UBE2L3: variants seen among roughly 807,000 people sequenced by gnomAD.
UBE2L3 encodes ubiquitin conjugating enzyme E2 L3, also known as ubiquitin-conjugating enzyme E2 L3.
Under a neutral mutation model 17.8 loss-of-function variants are expected in UBE2L3, and 1 was observed. That is an observed-to-expected ratio of 0.06 (90% confidence interval 0.02 to 0.27). The LOEUF is 0.27. Among genes scored for constraint, UBE2L3 ranks in the 10% least tolerant of loss-of-function variants. UBE2L3 has a pLI of 1.00. For missense variants in UBE2L3, 40 were observed against 192.6 expected, an observed-to-expected ratio of 0.21 and a Z score of 4.69; for synonymous variants, 44 against 68.5, an observed-to-expected ratio of 0.64 and a Z score of 1.76.
At chr22:21,610,727 G>T in intron 2 of UBE2L3, 130 bp from the exon 3 acceptor site, 1 of 1,029,782 alleles carries the variant, frequency 9.7e-7, no homozygotes, top group South Asian at 2.1e-5. Context: ...CCTGAAGGTG[G>T]CAGGGCTTCA....
At chr22:21,615,712 A>G (rs986111832) in intron 3 of UBE2L3, among the ~76,000 whole-genome samples, 6 of 152,238 alleles carry the variant, frequency 3.9e-5, no homozygotes, top group Non-Finnish European at 7.3e-5. Context: ...CCCAAAATCA[A>G]TACTCTCGGC....
At chr22:21,602,614 G>C (rs937870619) in intron 2 of UBE2L3, among the ~76,000 whole-genome samples, 1 of 152,236 alleles carries the variant, frequency 6.6e-6, no homozygotes, top group Non-Finnish European at 1.5e-5. Flanking sequence ...GGACAAGTGG[G>C]TGAAAGACCC....
At chr22:21,594,807 A>G (rs1928433911) in intron 2 of UBE2L3, among the ~76,000 whole-genome samples, 1 of 152,130 alleles carries the variant, frequency 6.6e-6, no homozygotes, top group Non-Finnish European at 1.5e-5. Flanking sequence ...GATGGCCGGG[A>G]CCATCTGACC....
intron 2 of UBE2L3, among the ~76,000 whole-genome samples, chr22:21,602,115 A>T (rs1463305850): frequency 3.3e-5 from 5 of 152,136 alleles, no homozygotes; most frequent in Admixed American, 3.3e-4. Flanking sequence ...GTGGCAGGGA[A>T]AGCTTCAGCT....
At chr22:21,559,574 G>A (rs1024531548) in intron 1 of UBE2L3, among the ~76,000 whole-genome samples, 14 of 151,802 alleles carry the variant, frequency 9.2e-5, no homozygotes, top group African/African-American at 3.2e-4. Context: ...TCCTGCATGA[G>A]GCAAGGAGGA....
chr22:21,562,528 C>T lies in UBE2L3; in HGVS notation c.201+12878C>T, dbSNP rs549567611. 5.3e-4 allele frequency among the ~76,000 whole-genome samples: 81 copies of T among 152,046 alleles called. 1 individual carries two copies. Among genetic ancestry groups the T allele is most frequent in the African/African-American group, 1.8e-3 (76 of 41,496 alleles). On this transcript the variant is annotated intron_variant, in intron 1 of 3. Transcript: ENST00000458578. ...CTGGGACCACAAGCACCCGCCACCA[C>T]GCCCAGATAATTTTTTGTGTTTTTA...
At chr22:21,602,161 G>C (rs1196932801) in intron 2 of UBE2L3, among the ~76,000 whole-genome samples, 2 of 152,128 alleles carry the variant, frequency 1.3e-5, no homozygotes, top group Non-Finnish European at 2.9e-5. Flanking sequence ...TTAGCCACAG[G>C]GAAAGGATGC....
At chr22:21,607,651 C>G (rs575436786) in intron 2 of UBE2L3, among the ~76,000 whole-genome samples, 27 of 152,198 alleles carry the variant, frequency 1.8e-4, no homozygotes, top group Non-Finnish European at 2.8e-4. Context: ...AGGGCTTCCC[C>G]AGCTCTGGAG....
rs144617737 is a variant in UBE2L3, at chr22:21,577,676, GAGA to G, written c.27+9912_27+9914del. Among the ~76,000 whole-genome samples, 339 of 152,336 alleles carry G rather than the reference GAGA, an allele frequency of 2.2e-3. 1 individual carries two copies. Among genetic ancestry groups the G allele is most frequent in the African/African-American group, 7.7e-3 (320 of 41,576 alleles). The stretch of plus-strand genomic sequence containing the variant: ...TTGGTCTTGAGGAAGGGACAAGATG[GAGA>G]AGAAGAGGGTTCATTTCAGATTCGG... On this transcript the variant is annotated intron_variant, in intron 1 of 3. Coordinates refer to ENST00000342192, the MANE Select transcript of UBE2L3 (RefSeq NM_003347.4).
rs1428566570 is a variant in UBE2L3 at position 21,623,098 on chromosome 22, C to T, written c.*1429C>T. On this transcript the variant is annotated 3_prime_UTR_variant, in exon 4 of 4. Coordinates refer to ENST00000342192, the MANE Select transcript of UBE2L3 (RefSeq NM_003347.4). Reference sequence around the variant, plus strand: ...GCTTCTGCCACTGGCGGCTTCCCTTCTTGGCTCTTGGGGGGGACTAGATCC... The same window carrying T: ...GCTTCTGCCACTGGCGGCTTCCCTTTTTGGCTCTTGGGGGGGACTAGATCC... 6.6e-6 allele frequency: 1 copy of T among 152,354 alleles called. No individual in the cohort carries two copies. Among genetic ancestry groups the T allele is most frequent in the Middle Eastern group, 3.2e-3 (1 of 316 alleles). 9.4% of individuals were successfully genotyped at this position (152,354 alleles called of 1,614,324 possible). A position where few individuals can be genotyped will look rare whatever the true frequency, so the allele number is the denominator to read the frequency against.
Position 21,586,376 on chromosome 22 carries a change from C to T in UBE2L3, c.28-6485C>T, listed in dbSNP as rs371613185. Among the ~76,000 whole-genome samples, 22 of 152,272 alleles carry T rather than the reference C, an allele frequency of 1.4e-4. No individual in the cohort carries two copies. In the East Asian group the frequency reaches 3.3e-3, roughly 23 times the overall value. On this transcript the variant is annotated intron_variant, in intron 1 of 3. Transcript: ENST00000342192. Reference sequence around the variant, plus strand: ...CACTTCCCAGGTTCAAGCGATTCTCCTGCCTCAGCCTCCCGAGTAGCTGAG... The same window carrying T: ...CACTTCCCAGGTTCAAGCGATTCTCTTGCCTCAGCCTCCCGAGTAGCTGAG...
chr22:21,612,568 G>A (rs1034497671), intron 3 of UBE2L3, among the ~76,000 whole-genome samples: 32 of 144,108 alleles, frequency 2.2e-4, no homozygotes, highest in Admixed American at 1.3e-3. Context: ...CTCGTGATCC[G>A]CCCGCCTCGG....
upstream of UBE2L3, among the ~76,000 whole-genome samples, chr22:21,565,971 CTTT>C (rs527289152): frequency 9.1e-4 from 111 of 122,632 alleles, no homozygotes; most frequent in African/African-American, 3.1e-3. Context: ...CAGAGTACTC[CTTT>C]TTTTTTTTTT....
At chr22:21,570,963 A>G (rs1249282915) in intron 1 of UBE2L3, among the ~76,000 whole-genome samples, 1 of 152,216 alleles carries the variant, frequency 6.6e-6, no homozygotes, top group Non-Finnish European at 1.5e-5. Flanking sequence ...CTGTCTGCAG[A>G]TAGTGTAAAA....
intron 1 of UBE2L3, among the ~76,000 whole-genome samples, chr22:21,592,596 T>C (rs1928322820): frequency 6.6e-6 from 1 of 152,142 alleles, no homozygotes; most frequent in African/African-American, 2.4e-5. Flanking sequence ...TGCAGAAGCA[T>C]GGTTCCCCCT....
At position 21,585,831 on chromosome 22, in the gene UBE2L3, G is replaced by T. The variant is rs192974806; in HGVS notation, c.28-7030G>T. On this transcript the variant is annotated intron_variant, in intron 1 of 3. Coordinates refer to ENST00000342192, the MANE Select transcript of UBE2L3 (RefSeq NM_003347.4). ...TTGGGTTGCACCAAGAGCTTTAGTT[G>T]GAATTACTGGGTTGCACCAAAGAGT... Among the ~76,000 whole-genome samples the T allele has an allele frequency of 4.1e-4, 63 of 152,278 alleles. No individual in the cohort carries two copies. In the East Asian group the frequency reaches 0.01, roughly 24 times the overall value.
upstream of UBE2L3, among the ~76,000 whole-genome samples, chr22:21,565,262 T>A (rs558193348): frequency 1.2e-3 from 178 of 151,740 alleles, 2 homozygotes; most frequent in African/African-American, 3.9e-3. Flanking sequence ...CCGGCTAATT[T>A]TTTGTATTTT....
chr22:21,610,492 C>T (rs1238522768), intron 2 of UBE2L3, among the ~76,000 whole-genome samples: 1 of 152,182 alleles, frequency 6.6e-6, no homozygotes, highest in Non-Finnish European at 1.5e-5. Context: ...ATTTGCCCCT[C>T]TGGTGAGGGA....
At chr22:21,619,642 T>G (rs1278875190) in intron 3 of UBE2L3, among the ~76,000 whole-genome samples, 2 of 152,240 alleles carry the variant, frequency 1.3e-5, no homozygotes, top group Non-Finnish European at 2.9e-5. Context: ...TAATGTGTGC[T>G]GTTGAATGAT....
Sources: allele counts gnomAD v4.1 joint callset (sites outside exome capture counted in the v4.1 genomes callset), GRCh38; gene constraint gnomAD v4.1.1; transcripts MANE v1.5; gene names NCBI Gene and HGNC (gene_info 2026-07-23, HGNC 2026-07-21).